UBE2R2: variants seen among roughly 807,000 people sequenced by gnomAD.
UBE2R2 encodes ubiquitin conjugating enzyme E2 R2.
In UBE2R2, 1 loss-of-function variant was observed where a neutral mutation model predicts 27.8. The observed-to-expected ratio is 0.04, with a 90% CI of 0.01 to 0.17. UBE2R2 has a LOEUF of 0.17. UBE2R2 is among the 10% of genes least tolerant of loss of function. UBE2R2 has a pLI of 1.00. For missense variants in UBE2R2, 100 were observed against 291.0 expected, an observed-to-expected ratio of 0.34 and a Z score of 4.78; for synonymous variants, 106 against 113.3, an observed-to-expected ratio of 0.94 and a Z score of 0.41.
chr9:33,822,098 T>A (rs192008952), intron 1 of UBE2R2, among the ~76,000 whole-genome samples: 1,855 of 136,080 alleles, frequency 0.014, 26 homozygotes, highest in East Asian at 0.049. Context: ...ATATATATAT[T>A]TTTTTTTTTT....
intron 1 of UBE2R2, among the ~76,000 whole-genome samples, chr9:33,828,493 A>C (rs942622318): frequency 4.0e-5 from 6 of 150,002 alleles, no homozygotes; most frequent in African/African-American, 1.5e-4. Context: ...GGGTTCAATC[A>C]GTTCTGCTGC....
chr9:33,880,602 T>C (rs1433547202), intron 1 of UBE2R2, among the ~76,000 whole-genome samples: 1 of 152,224 alleles, frequency 6.6e-6, no homozygotes, highest in African/African-American at 2.4e-5. Context: ...ATGCTGCTGT[T>C]GTTCAGTGGC....
intron 1 of UBE2R2, among the ~76,000 whole-genome samples, chr9:33,863,967 T>G (rs1563992558): frequency 6.6e-6 from 1 of 152,104 alleles, no homozygotes. Context: ...ATTACGGGCA[T>G]GTACCACCAT....
chr9:33,883,727 A>AAAAAAGAAATAAAAAAG (rs1821785171), intron 1 of UBE2R2, among the ~76,000 whole-genome samples: 1 of 151,302 alleles, frequency 6.6e-6, no homozygotes, highest in Admixed American at 6.6e-5. Flanking sequence ...AAAAAAAAAA[A>AAAAAAGAAATAAAAAAG]AAAAGAAATA....
chr9:33,865,769 GT>G (rs1212120304), intron 1 of UBE2R2, among the ~76,000 whole-genome samples: 1 of 148,228 alleles, frequency 6.7e-6, no homozygotes, highest in Non-Finnish European at 1.5e-5. Flanking sequence ...GTAGTGTTTT[GT>G]TTTTTGTTTT....
chr9:33,894,665 A>G (rs1479070979), intron 2 of UBE2R2, among the ~76,000 whole-genome samples: 1 of 152,202 alleles, frequency 6.6e-6, no homozygotes, highest in African/African-American at 2.4e-5. Flanking sequence ...TGTGTGGCCA[A>G]GGTAGAAGGA....
intron 1 of UBE2R2, among the ~76,000 whole-genome samples, chr9:33,883,123 A>T (rs1821767944): frequency 6.6e-6 from 1 of 152,132 alleles, no homozygotes; most frequent in African/African-American, 2.4e-5. Flanking sequence ...ATTGTGTCCC[A>T]TTTCTTTTTA....
Position 33,918,032 on chromosome 9 carries a change from T to G in UBE2R2, c.*795T>G, listed in dbSNP as rs1822696919. Reference sequence around the variant, plus strand: ...TATTTATTTTAAAGGCAGGGTTATTTCCCCCCAGGGAGTGGGGCAAGCGGG... The same window carrying G: ...TATTTATTTTAAAGGCAGGGTTATTGCCCCCCAGGGAGTGGGGCAAGCGGG... On this transcript the variant is annotated 3_prime_UTR_variant, in exon 5 of 5. Transcript: ENST00000263228. 6.5e-6 allele frequency: 1 copy of G among 153,526 alleles called. No homozygotes were observed. 9.5% of individuals were successfully genotyped at this position (153,526 alleles called of 1,614,324 possible).
chr9:33,863,372 C>T lies in UBE2R2; in HGVS notation c.178-23509C>T, dbSNP rs555256250. On this transcript the variant is annotated intron_variant, in intron 1 of 4. Transcript: ENST00000263228. ...ACTAAAAATACAAAAATAAGCAGGG[C>T]GTGGTGGTGCGTGCCTGTAATCCCA... Among the ~76,000 whole-genome samples, 23 of 151,022 alleles carry T rather than the reference C, an allele frequency of 1.5e-4. No homozygotes were observed. The South Asian group carries it at 3.8e-3, about 25-fold the overall frequency.
intron 1 of UBE2R2, among the ~76,000 whole-genome samples, chr9:33,877,847 C>CTCTCTCTCTCTCTCTCTCTCGA (rs1821648441): frequency 6.7e-6 from 1 of 148,648 alleles, no homozygotes; most frequent in Non-Finnish European, 1.5e-5. Context: ...CTCTCTCTCT[C>CTCTCTCTCTCTCTCTCTCTCGA]TCCCACTCTC....
chr9:33,891,047 G>GTTTTTTTGTTTTTTTTT (rs142957598), intron 2 of UBE2R2, among the ~76,000 whole-genome samples: 4 of 126,374 alleles, frequency 3.2e-5, no homozygotes, highest in East Asian at 2.7e-4. Context: ...TTGTTGTTGT[G>GTTTTTTTGTTTTTTTTT]TTTTTTTGTT....
chr9:33,851,432 TGC>T (rs1820964778), intron 1 of UBE2R2, among the ~76,000 whole-genome samples: 2 of 152,224 alleles, frequency 1.3e-5, no homozygotes, highest in African/African-American at 4.8e-5. Context: ...GCCAAGTATT[TGC>T]TTTTAGTTAT....
At chr9:33,817,982 G>A in intron 1 of UBE2R2, 48 bp downstream of exon 1, 1 of 1,563,948 alleles carries the variant, frequency 6.4e-7, no homozygotes, top group East Asian at 2.5e-5. Context: ...CGAGGCCTCC[G>A]GCTCCCCGCC....
intron 1 of UBE2R2, among the ~76,000 whole-genome samples, chr9:33,825,244 C>CTTTTTTTTTT (rs71506138): frequency 8.4e-6 from 1 of 119,640 alleles, no homozygotes; most frequent in African/African-American, 3.4e-5. Context: ...AAAAGCAAAG[C>CTTTTTTTTTT]TTTTTTTTTT....
intron 1 of UBE2R2, among the ~76,000 whole-genome samples, chr9:33,872,812 G>A (rs1228920568): frequency 6.6e-6 from 1 of 151,622 alleles, no homozygotes; most frequent in African/African-American, 2.4e-5. Context: ...GATTTGGTGT[G>A]TGTATGAATT....
At chr9:33,886,376 G>T (rs1454073231) in intron 1 of UBE2R2, among the ~76,000 whole-genome samples, 1 of 152,130 alleles carries the variant, frequency 6.6e-6, no homozygotes, top group Admixed American at 6.6e-5. Flanking sequence ...TTTTATAGGG[G>T]CAGGGCACGG....
At chr9:33,895,576 G>A (rs1256727590) in intron 2 of UBE2R2, among the ~76,000 whole-genome samples, 1 of 152,100 alleles carries the variant, frequency 6.6e-6, no homozygotes, top group African/African-American at 2.4e-5. Context: ...GTCAATAACT[G>A]TAAAATGGGA....
chr9:33,834,357 A>C (rs182398235), intron 1 of UBE2R2, among the ~76,000 whole-genome samples: 154 of 151,884 alleles, frequency 1.0e-3, no homozygotes, highest in African/African-American at 3.6e-3. Flanking sequence ...AATTATAGGC[A>C]CAAACCACCT....
rs151163639 is a variant in UBE2R2 at position 33,919,059 on chromosome 9, C to T, written c.*1822C>T. ...CTTAGGGGACACTGTTGAGCCTGGT[C>T]CCAGAATCTGTGATCTCCACAGGGC... On this transcript the variant is annotated 3_prime_UTR_variant, in exon 5 of 5. Coordinates refer to ENST00000263228, the MANE Select transcript of UBE2R2 (RefSeq NM_017811.4). 1 of 152,618 alleles carries T rather than the reference C, an allele frequency of 6.6e-6. No individual in the cohort carries two copies. The highest frequency in any genetic ancestry group is 2.4e-5 in the African/African-American group (1 of 41,508). 9.5% of individuals were successfully genotyped at this position (152,618 alleles called of 1,614,324 possible).
Sources: gnomAD v4.1 joint callset for allele counts (sites outside exome capture counted in the v4.1 genomes callset) on GRCh38, gnomAD v4.1.1 for gene constraint, MANE v1.5 for transcripts, NCBI Gene and HGNC (gene_info 2026-07-23, HGNC 2026-07-21) for gene names.